Variants in GOLGA4 observed in about 807,000 individuals in gnomAD.
GOLGA4 encodes the protein golgin subfamily A member 4.
GOLGA4 carries 169 observed loss-of-function variants against 265.9 expected under a neutral mutation model. That is an observed-to-expected ratio of 0.64 (90% CI 0.56 to 0.72). GOLGA4 has a LOEUF of 0.72. Ranked by LOEUF, GOLGA4 falls within the 30% of genes least tolerant of loss-of-function variation. GOLGA4 has a pLI of 0.00. For missense variants in GOLGA4, 2,482 were observed against 2,483.4 expected (o/e 1.00, Z 0.01); for synonymous variants, 923 against 855.8 (o/e 1.08, Z -1.37).
At chr3:37,280,464 G>A (rs1255246644) in intron 2 of GOLGA4, among the ~76,000 whole-genome samples, 2 of 152,112 alleles carry the variant, frequency 1.3e-5, no homozygotes, top group East Asian at 1.9e-4. Flanking sequence ...TGAATTTCGT[G>A]TTTAGACTTG....
chr3:37,319,273 C>A, intron 12 of GOLGA4, 79 bp downstream of exon 12: 1 of 1,182,764 alleles, frequency 8.5e-7, no homozygotes, highest in Non-Finnish European at 1.2e-6. Context: ...CTGTTGCATT[C>A]CAGTTGGAAG....
At chr3:37,287,701 C>T (rs772789856) in intron 4 of GOLGA4, 2 of 152,250 alleles carry the variant, frequency 1.3e-5, no homozygotes, top group Admixed American at 6.5e-5. Flanking sequence ...TCATCATTCT[C>T]AGCATGGCAT....
chr3:37,276,305 A>T, intron 2 of GOLGA4: 1 of 1,601,194 alleles, frequency 6.2e-7, no homozygotes, highest in South Asian at 1.1e-5. Flanking sequence ...AAAAAATCCA[A>T]ATTTAAGGAA....
At chr3:37,307,925 G>A (rs2096911454) in intron 10 of GOLGA4, among the ~76,000 whole-genome samples, 1 of 152,162 alleles carries the variant, frequency 6.6e-6, no homozygotes, top group South Asian at 2.1e-4. Context: ...AGATAAATAT[G>A]TATGTAAAGT....
intron 4 of GOLGA4, among the ~76,000 whole-genome samples, chr3:37,288,572 G>C (rs1198949058): frequency 6.6e-6 from 1 of 151,558 alleles, no homozygotes; most frequent in Non-Finnish European, 1.5e-5. Context: ...TGCCTCCTGG[G>C]TTCACGCCAT....
chr3:37,260,157 T>TA (rs11359349), intron 2 of GOLGA4, among the ~76,000 whole-genome samples: 1,937 of 124,026 alleles, frequency 0.016, 36 homozygotes, highest in African/African-American at 0.045. Flanking sequence ...GTTGATGAGC[T>TA]AAAAAAAAAA....
At chr3:37,274,611 T>A (rs1459776190) in intron 2 of GOLGA4, among the ~76,000 whole-genome samples, 1 of 152,028 alleles carries the variant, frequency 6.6e-6, no homozygotes, top group African/African-American at 2.4e-5. Flanking sequence ...TGTGAATTGC[T>A]TGAGCCTGGG....
intron 22 of GOLGA4, among the ~76,000 whole-genome samples, chr3:37,356,584 C>T (rs1197154377): frequency 6.6e-6 from 1 of 151,892 alleles, no homozygotes. Context: ...TAATGTATAC[C>T]ATTCATCAAC....
Position 37,257,912 on chromosome 3 carries a change from T to TA in GOLGA4, c.162+6429dup, listed in dbSNP as rs1221378454. 1.8e-4 allele frequency among the ~76,000 whole-genome samples: 23 copies of TA among 124,802 alleles called. 3 individuals carry two copies. Among genetic ancestry groups the TA allele is most frequent in the Admixed American group, 9.3e-4 (11 of 11,828 alleles). 81.9% of individuals were successfully genotyped at this position (124,802 alleles called of 152,430 possible). The stretch of plus-strand genomic sequence containing the variant: ...ATATATACATATATATATATATATA[T>TA]ATGTATGTATATATGTATATATACA... On this transcript the variant is annotated intron_variant, in intron 2 of 23. Transcript: ENST00000361924.
chr3:37,365,536 A>G (rs1696682552), intron 23 of GOLGA4, among the ~76,000 whole-genome samples: 1 of 150,514 alleles, frequency 6.6e-6, no homozygotes, highest in East Asian at 2.0e-4. Context: ...CCAAAGTGCT[A>G]GGATTATAGG....
chr3:37,345,328 A>G (rs896311943), intron 20 of GOLGA4, among the ~76,000 whole-genome samples: 2 of 152,240 alleles, frequency 1.3e-5, no homozygotes, highest in Non-Finnish European at 2.9e-5. Context: ...TTTTAAAGGC[A>G]TTATGCATTA....
intron 4 of GOLGA4, among the ~76,000 whole-genome samples, chr3:37,287,928 C>G (rs764939607): frequency 6.6e-6 from 1 of 152,074 alleles, no homozygotes; most frequent in Non-Finnish European, 1.5e-5. Flanking sequence ...TCCAGATTAC[C>G]CTATTCCTTT....
Position 37,324,240 on chromosome 3 carries a change from A to G in GOLGA4, c.2354A>G (p.Asp785Gly), listed in dbSNP as rs1388638842. Reference sequence around the variant, plus strand: ...GCTCATGTAGAAAATTTAGAGGCAGATATTAAAAGGTCTGAAGGGGAACTC... The same window carrying G: ...GCTCATGTAGAAAATTTAGAGGCAGGTATTAAAAGGTCTGAAGGGGAACTC... ...HQAHVENLEA[D>G]IKRSEGELQQ... is the part of the protein sequence containing the mutation. Residue 785 changes from aspartate to glycine, a missense_variant, in exon 14 of 24, where the codon GAT becomes GGT. Transcript: ENST00000361924. 6.2e-7 allele frequency: 1 copy of G among 1,614,192 alleles called. No homozygotes were observed. Among genetic ancestry groups the G allele is most frequent in the Non-Finnish European group, 8.5e-7 (1 of 1,180,022 alleles).
intron 22 of GOLGA4, among the ~76,000 whole-genome samples, chr3:37,357,183 G>T (rs1483885253): frequency 6.6e-6 from 1 of 152,130 alleles, no homozygotes; most frequent in Admixed American, 6.5e-5. Context: ...AATGGTAGCT[G>T]ATTTATTCTT....
At chr3:37,337,411 A>T (rs1309063525) in intron 18 of GOLGA4, among the ~76,000 whole-genome samples, 1 of 151,830 alleles carries the variant, frequency 6.6e-6, no homozygotes, top group African/African-American at 2.4e-5. Flanking sequence ...GGGTTTTGCC[A>T]TGTTGGCCAG....
intron 2 of GOLGA4, among the ~76,000 whole-genome samples, chr3:37,257,193 C>T (rs1270393220): frequency 2.0e-5 from 3 of 152,088 alleles, no homozygotes; most frequent in Non-Finnish European, 2.9e-5. Context: ...TTGTGTCTGA[C>T]CACTTTTACT....
chr3:37,340,961 A>T (rs113932394), intron 20 of GOLGA4, among the ~76,000 whole-genome samples: 4,812 of 152,156 alleles, frequency 0.032, 179 homozygotes, highest in African/African-American at 0.09. Flanking sequence ...AGGTCAGGAG[A>T]TCAAGACCAT....
chr3:37,313,893 G>A (rs2096929791), intron 10 of GOLGA4, among the ~76,000 whole-genome samples: 1 of 151,966 alleles, frequency 6.6e-6, no homozygotes. Flanking sequence ...GCACCATTGT[G>A]AAGTTGACAA....
chr3:37,309,889 A>G (rs539031691), intron 10 of GOLGA4, among the ~76,000 whole-genome samples: 9 of 152,396 alleles, frequency 5.9e-5, no homozygotes, highest in African/African-American at 2.2e-4. Flanking sequence ...TCTTTGGACC[A>G]CATATTGAGA....
Sources: gnomAD v4.1 joint callset for allele counts (sites outside exome capture counted in the v4.1 genomes callset) on GRCh38, gnomAD v4.1.1 for gene constraint, MANE v1.5 for transcripts, NCBI Gene and HGNC (gene_info 2026-07-23, HGNC 2026-07-21) for gene names.